SLC9A5: variants seen among roughly 807,000 people sequenced by gnomAD.
SLC9A5 encodes the protein sodium/hydrogen exchanger 5.
SLC9A5 carries 52 observed loss-of-function variants against 91.7 expected under a neutral mutation model. The observed-to-expected ratio is 0.57, with a 90% confidence interval of 0.45 to 0.71. The LOEUF is 0.71. SLC9A5 is among the 30% of genes least tolerant of loss of function. The pLI, the probability that SLC9A5 is intolerant of heterozygous loss-of-function variation, is 0.00. For synonymous variants in SLC9A5, 419 were observed against 474.5 expected (o/e 0.88, Z 1.52); for missense variants, 871 against 1,158.9 (o/e 0.75, Z 3.61).
At chr16:67,266,727 G>A (rs1006914932) in intron 15 of SLC9A5, among the ~76,000 whole-genome samples, 24 of 151,890 alleles carry the variant, frequency 1.6e-4, no homozygotes, top group African/African-American at 5.8e-4. Context: ...TTTTAGTGGA[G>A]ATGGGGTTTC....
intron 15 of SLC9A5, among the ~76,000 whole-genome samples, chr16:67,267,623 A>T (rs1197687241): frequency 6.6e-6 from 1 of 152,168 alleles, no homozygotes; most frequent in East Asian, 1.9e-4. Flanking sequence ...CCTCAAGTAG[A>T]TCCCCAGGTG....
rs1171396703 is a variant in SLC9A5, at chr16:67,249,128, C to T, written c.114C>T (p.Arg38=). 1 of 1,558,988 alleles carries T rather than the reference C, an allele frequency of 6.4e-7. No homozygotes were observed. The highest frequency in any genetic ancestry group is 1.8e-5 in the Admixed American group (1 of 54,332). Residue 38 remains arginine, a synonymous_variant, in exon 1 of 16, where the codon CGC becomes CGT. Transcript: ENST00000299798. Reference sequence around the variant, plus strand: ...CTCCCCCAGGCTTAGAGCTCTTCCGCTGGCAGTGGCACGAGGTGGAGGCGC... The same window carrying T: ...CTCCCCCAGGCTTAGAGCTCTTCCGTTGGCAGTGGCACGAGGTGGAGGCGC... ...GEPPPGLELF[R]WQWHEVEAPY... is the part of the protein sequence containing the mutation.
rs1288565176 is a variant in SLC9A5, at chr16:67,258,404, A to G, written c.1583A>G (p.Tyr528Cys). 2 of 1,614,168 alleles carry G rather than the reference A, an allele frequency of 1.2e-6. No individual in the cohort carries two copies. The highest frequency in any genetic ancestry group is 1.7e-6 in the Non-Finnish European group (2 of 1,180,016). Reference sequence around the variant, plus strand: ...ATCCGGGACCAGATCTGGGATGTGTACTACAGGCTTAACATCCGGGATGCC... The same window carrying G: ...ATCCGGGACCAGATCTGGGATGTGTGCTACAGGCTTAACATCCGGGATGCC... ...YRIRDQIWDVYYRLNIRDAIS... is the reference protein window; with the variant it reads ...YRIRDQIWDVCYRLNIRDAIS... The change falls in exon 10 of 16, where the codon TAC becomes TGC. Residue 528 changes from tyrosine (Y) to cysteine (C), a missense_variant. By Grantham distance (194) the Tyr-to-Cys change is radical. This residue lies in a region of SLC9A5 where 454 missense variants were observed against 718.3 expected (regional missense o/e 0.63). Transcript: ENST00000299798. The surrounding 1 kb of genome is among the most constrained non-coding windows in gnomAD (Gnocchi z 4.5).
At position 67,256,791 on chromosome 16, in the gene SLC9A5, T is replaced by C; in HGVS notation, c.1132+102T>C. The C allele has an allele frequency of 7.4e-7, 1 of 1,344,418 alleles. No individual in the cohort carries two copies. The highest frequency in any genetic ancestry group is 1.1e-6 in the Non-Finnish European group (1 of 946,238). 83.3% of individuals were successfully genotyped at this position (1,344,418 alleles called of 1,614,324 possible). ...CCACATCTTTGTCAATTCCTAAGCC[T>C]CCTCTTGTTGCTCACCTGTCCCAGC... is the stretch of plus-strand genomic sequence containing the variant. On this transcript the variant is annotated intron_variant, in intron 6 of 15. Coordinates refer to ENST00000299798, the MANE Select transcript of SLC9A5 (RefSeq NM_004594.3). The surrounding 1 kb of genome is among the most constrained non-coding windows in gnomAD (Gnocchi z 4.1).
chr16:67,252,473 A>C lies in SLC9A5; in HGVS notation c.188-69A>C. On this transcript the variant is annotated intron_variant, in intron 1 of 15. Transcript: ENST00000299798. This position sits in a 1 kb window ranked among gnomAD's most constrained non-coding sequence, Gnocchi z 4.0. Reference sequence around the variant, plus strand: ...TCAAAAAAAAAAAAACAAAACTGGGAGTTCATAGGCCTGTGTGTGGGAGGA... The same window carrying C: ...TCAAAAAAAAAAAAACAAAACTGGGCGTTCATAGGCCTGTGTGTGGGAGGA... 4.1e-3 allele frequency: 3,665 copies of C among 886,026 alleles called. No individual in the cohort carries two copies. The highest frequency in any genetic ancestry group is 5.7e-3 in the Non-Finnish European group (3,296 of 576,780). 54.9% of individuals were successfully genotyped at this position (886,026 alleles called of 1,614,324 possible).
rs529471266 is a variant in SLC9A5, at chr16:67,271,118, C to T, written c.2599C>T (p.Pro867Ser). The change falls in exon 16 of 16, where the codon CCC becomes TCC. Residue 867 changes from proline (P) to serine (S), a missense_variant. By Grantham distance (74) the Pro-to-Ser change is moderately conservative. This residue lies in a region of SLC9A5 where 295 missense variants were observed against 326.0 expected (regional missense o/e 0.90). Transcript: ENST00000299798. ...ADLPQQQELQ[P>S]LMGHKDHTHL... ...CCTCCCCCAGCAGCAGGAGCTGCAGCCCCTCATGGGCCACAAGGACCACAC... is the reference window on the plus strand; with the variant it reads ...CCTCCCCCAGCAGCAGGAGCTGCAGTCCCTCATGGGCCACAAGGACCACAC... The T allele has an allele frequency of 6.0e-5, 97 of 1,613,798 alleles. No homozygotes were observed. The South Asian group carries it at 1.0e-3, about 17-fold the overall frequency.
intron 2 of SLC9A5, among the ~76,000 whole-genome samples, chr16:67,254,161 CTG>C (rs1259031668): frequency 6.6e-6 from 1 of 152,162 alleles, no homozygotes; most frequent in Admixed American, 6.5e-5. Flanking sequence ...CATGGGGAAA[CTG>C]GGGCTCATAG....
At position 67,252,938 on chromosome 16, in the gene SLC9A5, T is replaced by A; in HGVS notation, c.490+94T>A. 8.4e-7 allele frequency: 1 copy of A among 1,186,562 alleles called. No individual in the cohort carries two copies. The highest frequency in any genetic ancestry group is 1.2e-6 in the Non-Finnish European group (1 of 857,484). The allele number at this position is 1,186,562 out of a possible 1,614,324, so 73.5% of individuals were successfully genotyped here. A position where few individuals can be genotyped will look rare whatever the true frequency, so the allele number is the denominator to read the frequency against. On this transcript the variant is annotated intron_variant, in intron 2 of 15. Coordinates refer to ENST00000299798, the MANE Select transcript of SLC9A5 (RefSeq NM_004594.3). The surrounding 1 kb of genome is among the most constrained non-coding windows in gnomAD (Gnocchi z 4.0). ...GCCCATGCTGGTGTGAGCCATGCCCTGAAAGCTCCATCCTAGGTCCCTCCC... is the reference window on the plus strand; with the variant it reads ...GCCCATGCTGGTGTGAGCCATGCCCAGAAAGCTCCATCCTAGGTCCCTCCC...
rs759838964 is a variant in SLC9A5, at chr16:67,252,807, C to A, written c.453C>A (p.Gly151=). Residue 151 remains glycine, a synonymous_variant, in exon 2 of 16, where the codon GGC becomes GGA. Coordinates refer to ENST00000299798, the MANE Select transcript of SLC9A5 (RefSeq NM_004594.3). This position sits in a 1 kb window ranked among gnomAD's most constrained non-coding sequence, Gnocchi z 4.0. ...VGTLWNAFTT[G]AALWGLQQAG... Reference sequence around the variant, plus strand: ...CACTCTGGAATGCCTTCACAACAGGCGCTGCCCTCTGGGGCTTGCAGCAGG... The same window carrying A: ...CACTCTGGAATGCCTTCACAACAGGAGCTGCCCTCTGGGGCTTGCAGCAGG... 1 of 1,613,510 alleles carries A rather than the reference C, an allele frequency of 6.2e-7. No individual in the cohort carries two copies. The highest frequency in any genetic ancestry group is 8.5e-7 in the Non-Finnish European group (1 of 1,180,006).
Position 67,256,469 on chromosome 16 carries a change from G to A in SLC9A5, c.912G>A (p.Ala304=). 6.2e-7 allele frequency: 1 copy of A among 1,606,886 alleles called. No homozygotes were observed. ...AEMASLSAIL[A]VTMCGLGCKK... is the part of the protein sequence containing the mutation. ...GCCATGTCTCTCCATCCTCTCCCAG[G>A]GTGACCATGTGTGGCCTGGGCTGTA... is the stretch of plus-strand genomic sequence containing the variant. Residue 304 remains alanine, a splice_region_variant and synonymous_variant, in exon 6 of 16, where the codon GCG becomes GCA. Coordinates refer to ENST00000299798, the MANE Select transcript of SLC9A5 (RefSeq NM_004594.3). This position sits in a 1 kb window ranked among gnomAD's most constrained non-coding sequence, Gnocchi z 4.1.
At chr16:67,269,125 T>A (rs1379108602) in intron 15 of SLC9A5, among the ~76,000 whole-genome samples, 1 of 152,106 alleles carries the variant, frequency 6.6e-6, no homozygotes, top group African/African-American at 2.4e-5. Flanking sequence ...TCTCTTAAAT[T>A]TCCTTTAAAC....
chr16:67,263,337 C>T (rs1006736586), intron 12 of SLC9A5: 1 of 151,996 alleles, frequency 6.6e-6, no homozygotes, highest in Non-Finnish European at 1.5e-5. Flanking sequence ...ATAAAGGGAC[C>T]AGACTTGGGA....
Position 67,271,206 on chromosome 16 carries a change from T to G in SLC9A5, c.2687T>G (p.Leu896Arg). ...ATCCAGTTCAACAGAGGCAGCCGGC[T>G]GTAGCTCAAGGCCTCGGGGAGGAGC... ...WCIQFNRGSRL is the reference protein window; with the variant it reads ...WCIQFNRGSRR Residue 896 changes from leucine (L) to arginine (R), a missense_variant, in exon 16 of 16, where the codon CTG becomes CGG. Transcript: ENST00000299798. 1 of 1,611,012 alleles carries G rather than the reference T, an allele frequency of 6.2e-7. No individual in the cohort carries two copies. Among genetic ancestry groups the G allele is most frequent in the Non-Finnish European group, 8.5e-7 (1 of 1,179,716 alleles).
In SLC9A5 at chr16:67,249,042, G is replaced by A. The variant is rs1283819404; in HGVS notation, c.28G>A (p.Ala10Thr). Residue 10 changes from alanine to threonine, a missense_variant, in exon 1 of 16, where the codon GCG (alanine) becomes ACG (threonine). Physicochemically the swap from Ala to Thr is moderately conservative, Grantham distance 58 (BLOSUM62 0). This residue lies in a region of SLC9A5 where 122 missense variants were observed against 114.5 expected (regional missense o/e 1.07). Coordinates refer to ENST00000299798, the MANE Select transcript of SLC9A5 (RefSeq NM_004594.3). Reference protein sequence around the residue: MLRAALSLLALPLAGAAEEP... With the variant: MLRAALSLLTLPLAGAAEEP... ...GCTGCGCGCCGCCCTGTCCCTGCTC[G>A]CGCTGCCCCTGGCGGGGGCGGCCGA... is the stretch of plus-strand genomic sequence containing the variant. 1.7e-5 allele frequency: 25 copies of A among 1,496,310 alleles called. No individual in the cohort carries two copies. Among genetic ancestry groups the A allele is most frequent in the Non-Finnish European group, 2.2e-5 (25 of 1,128,836 alleles). 92.7% of individuals were successfully genotyped at this position (1,496,310 alleles called of 1,614,324 possible).
rs1024286914 is a variant in SLC9A5 at position 67,258,647 on chromosome 16, G to A, written c.1626+200G>A. ...CAGAGTCTGGCAGGCAGTCCAGAGA[G>A]GTGGGAAACAGCTGGACTCTGGGGT... On this transcript the variant is annotated intron_variant, in intron 10 of 15. Transcript: ENST00000299798. The surrounding 1 kb of genome is among the most constrained non-coding windows in gnomAD (Gnocchi z 4.5). Among the ~76,000 whole-genome samples, 1 of 152,206 alleles carries A rather than the reference G, an allele frequency of 6.6e-6. No individual in the cohort carries two copies. Among genetic ancestry groups the A allele is most frequent in the Non-Finnish European group, 1.5e-5 (1 of 68,030 alleles).
chr16:67,255,859 G>A lies in SLC9A5; in HGVS notation c.840G>A (p.Pro280=), dbSNP rs573470441. Residue 280 remains proline (P), a synonymous_variant, in exon 5 of 16, where the codon CCG becomes CCA. Transcript: ENST00000299798. This position sits in a 1 kb window ranked among gnomAD's most constrained non-coding sequence, Gnocchi z 4.9. The part of the protein sequence containing the change: ...RFTKRVRIIE[P]LLVFLLAYAA... ...CCAAGCGGGTCCGCATCATCGAGCC[G>A]CTGCTGGTCTTCCTCCTCGCCTACG... 1.5e-5 allele frequency: 24 copies of A among 1,613,400 alleles called. No individual in the cohort carries two copies. Among genetic ancestry groups the A allele is most frequent in the South Asian group, 6.6e-5 (6 of 90,872 alleles).
In SLC9A5 at chr16:67,252,945, T is replaced by C. The variant is rs2035184123; in HGVS notation, c.490+101T>C. The C allele has an allele frequency of 9.0e-7, 1 of 1,115,932 alleles. No individual in the cohort carries two copies. The highest frequency in any genetic ancestry group is 1.3e-6 in the Non-Finnish European group (1 of 795,214). The allele number at this position is 1,115,932 out of a possible 1,614,324, so 69.1% of individuals were successfully genotyped here. On this transcript the variant is annotated intron_variant, in intron 2 of 15. Coordinates refer to ENST00000299798, the MANE Select transcript of SLC9A5 (RefSeq NM_004594.3). The surrounding 1 kb of genome is among the most constrained non-coding windows in gnomAD (Gnocchi z 4.0). ...CTGGTGTGAGCCATGCCCTGAAAGCTCCATCCTAGGTCCCTCCCTCTGGAG... is the reference window on the plus strand; with the variant it reads ...CTGGTGTGAGCCATGCCCTGAAAGCCCCATCCTAGGTCCCTCCCTCTGGAG...
At chr16:67,267,566 G>A (rs1358848880) in intron 15 of SLC9A5, among the ~76,000 whole-genome samples, 1 of 152,122 alleles carries the variant, frequency 6.6e-6, no homozygotes, top group African/African-American at 2.4e-5. Context: ...AGTCTAGTGA[G>A]GAATAGGAGG....
At position 67,256,477 on chromosome 16, in the gene SLC9A5, T is replaced by C. The variant is rs775479260; in HGVS notation, c.920T>C (p.Met307Thr). The C allele has an allele frequency of 1.9e-6, 3 of 1,609,228 alleles. No homozygotes were observed. The highest frequency in any genetic ancestry group is 2.5e-6 in the Non-Finnish European group (3 of 1,179,394). Residue 307 changes from methionine to threonine, a missense_variant, in exon 6 of 16, where the codon ATG (methionine) becomes ACG (threonine). This residue lies in a region of SLC9A5 where 454 missense variants were observed against 718.3 expected (regional missense o/e 0.63). Coordinates refer to ENST00000299798, the MANE Select transcript of SLC9A5 (RefSeq NM_004594.3). This position sits in a 1 kb window ranked among gnomAD's most constrained non-coding sequence, Gnocchi z 4.1. ...TCTCCATCCTCTCCCAGGGTGACCATGTGTGGCCTGGGCTGTAAGAAGTAC... is the reference window on the plus strand; with the variant it reads ...TCTCCATCCTCTCCCAGGGTGACCACGTGTGGCCTGGGCTGTAAGAAGTAC... Reference protein sequence around the residue: ...ASLSAILAVTMCGLGCKKYVE... With the variant: ...ASLSAILAVTTCGLGCKKYVE...
Sources: allele counts gnomAD v4.1 joint callset (sites outside exome capture counted in the v4.1 genomes callset), GRCh38; gene constraint gnomAD v4.1.1; regional missense constraint gnomAD v4.1.1; non-coding constraint Gnocchi (gnomAD v3.1); transcripts MANE v1.5; gene names NCBI Gene and HGNC (gene_info 2026-07-23, HGNC 2026-07-21).